DIP2C: variants seen among roughly 807,000 people sequenced by gnomAD.
DIP2C encodes the protein DIP2 acetate--CoA ligase C (putative), also known as disco-interacting protein 2 homolog C.
In DIP2C, 33 loss-of-function variants were observed where a neutral mutation model predicts 192.4. That is an observed-to-expected ratio of 0.17 (90% CI 0.13 to 0.23). DIP2C has a LOEUF of 0.23. DIP2C is among the 10% of genes least tolerant of loss of function. DIP2C has a pLI of 1.00. For synonymous variants in DIP2C, 979 were observed against 864.1 expected, an observed-to-expected ratio of 1.13 and a Z score of -2.33; for missense variants, 1,537 against 2,110.1, an observed-to-expected ratio of 0.73 and a Z score of 5.32.
At chr10:615,203 G>C (rs918922200) in intron 1 of DIP2C, among the ~76,000 whole-genome samples, 1 of 152,216 alleles carries the variant, frequency 6.6e-6, no homozygotes, top group Non-Finnish European at 1.5e-5. Flanking sequence ...GTCCCTAGGC[G>C]GGCTGCTTCT....
intron 1 of DIP2C, among the ~76,000 whole-genome samples, chr10:490,645 A>T (rs1844367815): frequency 6.6e-6 from 1 of 152,180 alleles, no homozygotes; most frequent in South Asian, 2.1e-4. Flanking sequence ...CTTCCACATC[A>T]AGGTACCCAT....
chr10:475,562 A>G (rs1970991657), intron 2 of DIP2C, among the ~76,000 whole-genome samples: 1 of 152,092 alleles, frequency 6.6e-6, no homozygotes, highest in Non-Finnish European at 1.5e-5. Context: ...CAGACCTTAC[A>G]TGTCTGATCT....
chr10:635,885 AC>A (rs1854803344), intron 1 of DIP2C, among the ~76,000 whole-genome samples: 1 of 152,122 alleles, frequency 6.6e-6, no homozygotes, highest in African/African-American at 2.4e-5. Flanking sequence ...CAGAGGCTCA[AC>A]GGGGTCCTCG....
intron 1 of DIP2C, among the ~76,000 whole-genome samples, chr10:542,788 C>T (rs1169579969): frequency 3.3e-5 from 5 of 149,446 alleles, no homozygotes; most frequent in Admixed American, 1.3e-4. Flanking sequence ...CCACAGGTCA[C>T]CAGATCCCAG....
At chr10:346,569 T>C (rs1265209439) in intron 26 of DIP2C, among the ~76,000 whole-genome samples, 3 of 132,140 alleles carry the variant, frequency 2.3e-5, no homozygotes, top group South Asian at 2.5e-4. Context: ...TCGCGCATAG[T>C]TCTCCTGGAA....
intron 17 of DIP2C, among the ~76,000 whole-genome samples, chr10:371,698 G>C (rs1047180187): frequency 4.7e-5 from 7 of 150,226 alleles, no homozygotes; most frequent in East Asian, 1.9e-4. Flanking sequence ...AGGGAGGCTG[G>C]GGTGAGGCCT....
chr10:384,195 C>T (rs906089922), intron 15 of DIP2C, 49 bp from the exon 16 acceptor site: 4 of 1,597,746 alleles, frequency 2.5e-6, no homozygotes, highest in Non-Finnish European at 3.4e-6. Flanking sequence ...GTCAGATCGT[C>T]CCCTATTGCA....
chr10:528,261 G>C (rs960422473), intron 1 of DIP2C, among the ~76,000 whole-genome samples: 129 of 152,006 alleles, frequency 8.5e-4, no homozygotes, highest in Non-Finnish European at 2.1e-4. Flanking sequence ...CAAAAACGCA[G>C]TGGCACCGTC....
rs767769308 is a variant in DIP2C at position 327,174 on chromosome 10, C to T, written c.3756G>A (p.Ala1252=). 1.2e-5 allele frequency: 20 copies of T among 1,612,908 alleles called. No individual in the cohort carries two copies. Among genetic ancestry groups the T allele is most frequent in the South Asian group, 3.3e-5 (3 of 91,016 alleles). ...TCACTCGGGACAAGTCCAGCCCTCG[C>T]GCCTGGAGATGATGACAGAGAAACC... ...GLGSQTESLK[A]RGLDLSRVRT... is the part of the protein sequence containing the mutation. Residue 1252 remains alanine, a splice_region_variant and synonymous_variant, in exon 31 of 37, where the codon GCG becomes GCA. Transcript: ENST00000280886.
chr10:304,199 C>A (rs1188293867), intron 32 of DIP2C, among the ~76,000 whole-genome samples: 1 of 152,176 alleles, frequency 6.6e-6, no homozygotes, highest in Non-Finnish European at 1.5e-5. Context: ...TACGTTTATA[C>A]AACTGGCAGC....
At chr10:496,308 A>C (rs913625380) in intron 1 of DIP2C, among the ~76,000 whole-genome samples, 1 of 140,476 alleles carries the variant, frequency 7.1e-6, no homozygotes, top group Non-Finnish European at 1.5e-5. Flanking sequence ...CCCAAACAAC[A>C]TGAGTGCTGA....
At chr10:619,851 C>T (rs552385362) in intron 1 of DIP2C, among the ~76,000 whole-genome samples, 4 of 152,316 alleles carry the variant, frequency 2.6e-5, no homozygotes, top group East Asian at 1.9e-4. Context: ...GGCACCCGCC[C>T]GTGGATGGGT....
chr10:445,419 T>A (rs536154409), intron 3 of DIP2C, among the ~76,000 whole-genome samples: 16 of 150,090 alleles, frequency 1.1e-4, no homozygotes, highest in Admixed American at 7.9e-4. Flanking sequence ...AAAGAGTATA[T>A]CTTGCACTGG....
intron 1 of DIP2C, among the ~76,000 whole-genome samples, chr10:558,435 G>C (rs1849024354): frequency 6.6e-6 from 1 of 152,182 alleles, no homozygotes; most frequent in Non-Finnish European, 1.5e-5. Flanking sequence ...AATGCGTAAA[G>C]GAAGGTGCAG....
chr10:580,214 T>C (rs1310028158), intron 1 of DIP2C, among the ~76,000 whole-genome samples: 1 of 150,694 alleles, frequency 6.6e-6, no homozygotes, highest in Non-Finnish European at 1.5e-5. Flanking sequence ...ATATATATAA[T>C]GTATATATGT....
chr10:327,225 GGAGT>G (rs1395621562), intron 30 of DIP2C, 49 bp from the exon 31 acceptor site: 2 of 1,579,364 alleles, frequency 1.3e-6, no homozygotes, highest in Admixed American at 1.7e-5. Flanking sequence ...TGTCGAGCTT[GGAGT>G]GAGCCAGAGA....
intron 1 of DIP2C, among the ~76,000 whole-genome samples, chr10:531,127 C>T (rs912880874): frequency 6.6e-6 from 1 of 152,156 alleles, no homozygotes; most frequent in African/African-American, 2.4e-5. Flanking sequence ...CGCGCTGAGT[C>T]CACCTCATTT....
At chr10:490,191 G>A (rs995860586) in intron 1 of DIP2C, among the ~76,000 whole-genome samples, 14 of 151,652 alleles carry the variant, frequency 9.2e-5, no homozygotes, top group Non-Finnish European at 7.4e-5. Flanking sequence ...CCAGGGACAC[G>A]GTGGCTCTGA....
At chr10:455,218 C>T (rs938636957) in intron 3 of DIP2C, among the ~76,000 whole-genome samples, 27 of 152,302 alleles carry the variant, frequency 1.8e-4, no homozygotes, top group African/African-American at 5.8e-4. Context: ...TATTTGCACC[C>T]CCATTTCCCT....
Sources: gnomAD v4.1 joint callset for allele counts (sites outside exome capture counted in the v4.1 genomes callset) on GRCh38, gnomAD v4.1.1 for gene constraint, MANE v1.5 for transcripts, NCBI Gene and HGNC (gene_info 2026-07-23, HGNC 2026-07-21) for gene names.